The following PCDH15 variants were observed in gnomAD, a reference collection of about 807,000 sequenced individuals.
PCDH15 encodes the protein protocadherin related 15, also known as protocadherin-15.
A neutral mutation model predicts 178.5 loss-of-function variants in PCDH15; 129 were observed. The ratio of observed to expected loss-of-function variants is 0.72; its 90% CI spans 0.63 to 0.84. PCDH15 has a LOEUF of 0.84. PCDH15 is among the 40% of genes least tolerant of loss of function. PCDH15 has a pLI of 0.00. For missense variants in PCDH15, 2,230 were observed against 2,099.9 expected (o/e 1.06, Z -1.21); for synonymous variants, 800 against 732.0 (o/e 1.09, Z -1.50).
At chr10:54,049,795 C>T (rs1381983846) in intron 18 of PCDH15, among the ~76,000 whole-genome samples, 1 of 151,700 alleles carries the variant, frequency 6.6e-6, no homozygotes, top group Non-Finnish European at 1.5e-5. Flanking sequence ...TAATTTTTGT[C>T]TTTTTAGTAG....
chr10:53,960,462 C>T (rs1202976555), intron 22 of PCDH15, among the ~76,000 whole-genome samples: 1 of 152,070 alleles, frequency 6.6e-6, no homozygotes, highest in African/African-American at 2.4e-5. Flanking sequence ...ATGATGAAAA[C>T]TAAGAAAAAG....
chr10:55,582,997 T>C (rs935224763), intron 2 of PCDH15, among the ~76,000 whole-genome samples: 2 of 152,126 alleles, frequency 1.3e-5, no homozygotes, highest in African/African-American at 2.4e-5. Context: ...AATTAAGCTA[T>C]GGATAGCAAA....
intron 1 of PCDH15, among the ~76,000 whole-genome samples, chr10:55,178,116 G>T (rs1839546109): frequency 6.6e-6 from 1 of 152,036 alleles, no homozygotes; most frequent in Admixed American, 6.6e-5. Context: ...ATAGCTAATT[G>T]GTCTCCCTTT....
chr10:53,959,713 A>G lies in PCDH15; in HGVS notation c.3122+19T>C. ...CCCTAAACATTTCGTGTATTTCAAA[A>G]TCGGACAGAAATCAATACCTATATT... On this transcript the variant is annotated intron_variant, in intron 23 of 37. Transcript: ENST00000644397. 2 of 1,574,530 alleles carry G rather than the reference A, an allele frequency of 1.3e-6. No homozygotes were observed. Among genetic ancestry groups the G allele is most frequent in the Non-Finnish European group, 1.7e-6 (2 of 1,144,312 alleles).
chr10:54,051,148 A>G (rs777244264), intron 18 of PCDH15, among the ~76,000 whole-genome samples: 1 of 152,128 alleles, frequency 6.6e-6, no homozygotes, highest in Non-Finnish European at 1.5e-5. Flanking sequence ...TTTATTAGCA[A>G]TGTGAGAACA....
chr10:55,352,492 A>G (rs1329903350), intron 2 of PCDH15, among the ~76,000 whole-genome samples: 2 of 152,156 alleles, frequency 1.3e-5, no homozygotes, highest in African/African-American at 4.8e-5. Context: ...GAAGTTGACA[A>G]TGAGCAGTTG....
intron 2 of PCDH15, among the ~76,000 whole-genome samples, chr10:55,529,741 G>GCATATATATATATATATATATA (rs1439080335): frequency 1.6e-5 from 1 of 62,772 alleles, no homozygotes; most frequent in Non-Finnish European, 3.1e-5. Flanking sequence ...TTGTCTGTGA[G>GCATATATATATATATATATATA]TATATATATA....
At chr10:54,069,812 G>A (rs1354036408) in intron 17 of PCDH15, among the ~76,000 whole-genome samples, 1 of 152,066 alleles carries the variant, frequency 6.6e-6, no homozygotes, top group Non-Finnish European at 1.5e-5. Flanking sequence ...TCTTTTCATT[G>A]TTCAAGCTTA....
At chr10:55,240,218 A>G (rs963486594) in intron 1 of PCDH15, among the ~76,000 whole-genome samples, 1 of 152,200 alleles carries the variant, frequency 6.6e-6, no homozygotes, top group Admixed American at 6.5e-5. Context: ...TCATAGAGAT[A>G]TCAGAACCTC....
chr10:55,166,210 G>C (rs1478722544), intron 2 of PCDH15, among the ~76,000 whole-genome samples: 1 of 152,056 alleles, frequency 6.6e-6, no homozygotes, highest in South Asian at 2.1e-4. Context: ...GACACACAAT[G>C]ATGGATGCAA....
chr10:54,952,103 AG>A (rs1268264176), intron 2 of PCDH15, among the ~76,000 whole-genome samples: 3 of 151,850 alleles, frequency 2.0e-5, no homozygotes, highest in Non-Finnish European at 4.4e-5. Flanking sequence ...GTGCCTAAAA[AG>A]CCATTGTAAA....
chr10:55,222,730 C>CACATAT, intron 1 of PCDH15, among the ~76,000 whole-genome samples: 1 of 121,266 alleles, frequency 8.2e-6, no homozygotes, highest in African/African-American at 3.4e-5. Flanking sequence ...CACACACACA[C>CACATAT]ATATATATAT....
chr10:55,436,950 C>T (rs904946299), intron 2 of PCDH15, among the ~76,000 whole-genome samples: 1 of 152,194 alleles, frequency 6.6e-6, no homozygotes, highest in South Asian at 2.1e-4. Context: ...ATTTCTGTCA[C>T]ATCTTAATTT....
At chr10:55,518,147 A>G (rs1056336096) in intron 2 of PCDH15, among the ~76,000 whole-genome samples, 15 of 151,968 alleles carry the variant, frequency 9.9e-5, no homozygotes, top group African/African-American at 3.4e-4. Context: ...CTCTTCTCCC[A>G]CTGTTGTAAT....
At chr10:55,534,521 A>C (rs1224303607) in intron 2 of PCDH15, among the ~76,000 whole-genome samples, 3 of 152,190 alleles carry the variant, frequency 2.0e-5, no homozygotes, top group Non-Finnish European at 2.9e-5. Flanking sequence ...ACAATGAGCT[A>C]TCATCTCACA....
intron 3 of PCDH15, among the ~76,000 whole-genome samples, chr10:54,866,660 TTGAA>T (rs1481877439): frequency 2.0e-5 from 3 of 152,178 alleles, no homozygotes; most frequent in Non-Finnish European, 4.4e-5. Context: ...TTAAAATTAT[TTGAA>T]TGAAGAACAC....
intron 26 of PCDH15, among the ~76,000 whole-genome samples, chr10:53,894,628 A>G (rs887411735): frequency 2.6e-5 from 4 of 152,242 alleles, no homozygotes; most frequent in African/African-American, 9.6e-5. Flanking sequence ...ACTGTAAAAC[A>G]TAAATGGTGA....
At chr10:54,124,696 C>T (rs2041843069) in intron 15 of PCDH15, among the ~76,000 whole-genome samples, 1 of 152,204 alleles carries the variant, frequency 6.6e-6, no homozygotes, top group African/African-American at 2.4e-5. Context: ...TTCACGCACA[C>T]TGTACCTGAA....
intron 3 of PCDH15, among the ~76,000 whole-genome samples, chr10:54,847,287 T>C (rs1243333988): frequency 6.6e-6 from 1 of 152,192 alleles, no homozygotes; most frequent in Non-Finnish European, 1.5e-5. Flanking sequence ...TGAAGTGCTA[T>C]AAAAATAGAC....
Sources: allele counts gnomAD v4.1 joint callset (sites outside exome capture counted in the v4.1 genomes callset), GRCh38; gene constraint gnomAD v4.1.1; transcripts MANE v1.5; gene names NCBI Gene and HGNC (gene_info 2026-07-23, HGNC 2026-07-21).